PTTG1IP2: variants seen among roughly 807,000 people sequenced by gnomAD.
PTTG1IP2 encodes the protein PTTG1IP family member 2.
intron 6 of PTTG1IP2, among the ~76,000 whole-genome samples, chr7:90,496,574 A>C (rs1171014071): frequency 1.3e-5 from 2 of 151,916 alleles, no homozygotes; most frequent in Non-Finnish European, 2.9e-5. Context: ...ATCTTTTCAA[A>C]ACACCAACCA....
intron 4 of PTTG1IP2, among the ~76,000 whole-genome samples, chr7:90,490,318 AG>A (rs1797923524): frequency 6.6e-6 from 1 of 152,040 alleles, no homozygotes; most frequent in African/African-American, 2.4e-5. Context: ...TTTTATAAGA[AG>A]GAACTGTAAA....
Position 90,511,253 on chromosome 7 carries a change from A to G in PTTG1IP2, c.*51-2025A>G, listed in dbSNP as rs191593407. On this transcript the variant is annotated intron_variant, in intron 6 of 6. Transcript: ENST00000509356. ...CCTGCCATCAAAAAACTTAAAATCT[A>G]GTTGCTGAGAGGATAGCCCCCAGAA... Among the ~76,000 whole-genome samples, 159 of 152,322 alleles carry G rather than the reference A, an allele frequency of 1.0e-3. 2 individuals carry two copies. Among genetic ancestry groups the G allele is most frequent in the Admixed American group, 1.9e-3 (29 of 15,298 alleles).
At chr7:90,491,957 C>G (rs540927224) in intron 4 of PTTG1IP2, among the ~76,000 whole-genome samples, 2 of 152,012 alleles carry the variant, frequency 1.3e-5, no homozygotes, top group East Asian at 3.9e-4. Flanking sequence ...ATGGTGAAAC[C>G]CTGTCTCTAC....
chr7:90,500,955 T>C (rs1798054913), intron 6 of PTTG1IP2, among the ~76,000 whole-genome samples: 1 of 152,226 alleles, frequency 6.6e-6, no homozygotes, highest in African/African-American at 2.4e-5. Context: ...TGTTCAATTA[T>C]TCATTAAGAG....
At chr7:90,509,006 C>G (rs1798155716) in intron 6 of PTTG1IP2, among the ~76,000 whole-genome samples, 1 of 152,054 alleles carries the variant, frequency 6.6e-6, no homozygotes, top group Non-Finnish European at 1.5e-5. Flanking sequence ...ATGAGAAAGG[C>G]ACTTGGGCCT....
intron 1 of PTTG1IP2, among the ~76,000 whole-genome samples, chr7:90,477,473 C>T (rs1234063919): frequency 1.3e-5 from 2 of 152,310 alleles, no homozygotes; most frequent in East Asian, 1.9e-4. Flanking sequence ...TTCCTCTCTT[C>T]GCTCTTAGCC....
chr7:90,474,687 A>T (rs1797727286), intron 1 of PTTG1IP2, among the ~76,000 whole-genome samples: 2 of 152,160 alleles, frequency 1.3e-5, no homozygotes, highest in African/African-American at 4.8e-5. Flanking sequence ...GCAGGAAAAG[A>T]TATACTACCA....
intron 6 of PTTG1IP2, among the ~76,000 whole-genome samples, chr7:90,503,844 A>AAT (rs1385595123): frequency 1.3e-5 from 2 of 152,242 alleles, no homozygotes; most frequent in African/African-American, 4.8e-5. Context: ...AAAATGTGAT[A>AAT]GAGACACAGA....
At chr7:90,507,640 T>A (rs1379560278) in intron 6 of PTTG1IP2, among the ~76,000 whole-genome samples, 1 of 152,194 alleles carries the variant, frequency 6.6e-6, no homozygotes, top group East Asian at 1.9e-4. Context: ...TATCTTGGAT[T>A]CTCATCTCTG....
intron 3 of PTTG1IP2, among the ~76,000 whole-genome samples, chr7:90,488,472 G>A (rs1486673967): frequency 1.3e-5 from 2 of 151,954 alleles, no homozygotes; most frequent in Non-Finnish European, 2.9e-5. Flanking sequence ...CTTTGGTAAT[G>A]GACTGCTGAA....
chr7:90,498,215 C>T (rs570526064), intron 6 of PTTG1IP2, among the ~76,000 whole-genome samples: 3 of 152,026 alleles, frequency 2.0e-5, no homozygotes, highest in Non-Finnish European at 4.4e-5. Flanking sequence ...TTAGTAGAGA[C>T]GGGGTTTCAC....
At chr7:90,477,558 GA>G (rs1174814916) in intron 1 of PTTG1IP2, among the ~76,000 whole-genome samples, 2 of 152,210 alleles carry the variant, frequency 1.3e-5, no homozygotes, top group African/African-American at 4.8e-5. Flanking sequence ...CAAAATATCT[GA>G]AAGTACTGAG....
intron 6 of PTTG1IP2, among the ~76,000 whole-genome samples, chr7:90,497,722 A>T (rs1798011900): frequency 7.0e-6 from 1 of 142,758 alleles, no homozygotes; most frequent in South Asian, 2.2e-4. Context: ...GTATAAAAAA[A>T]AAAAAAAAAA....
chr7:90,502,427 A>G (rs1158243203), intron 6 of PTTG1IP2, among the ~76,000 whole-genome samples: 1 of 152,216 alleles, frequency 6.6e-6, no homozygotes, highest in East Asian at 1.9e-4. Flanking sequence ...AATGTCTTTA[A>G]TGGCATCTAT....
At chr7:90,506,035 C>CTCATT (rs1245398107) in intron 6 of PTTG1IP2, among the ~76,000 whole-genome samples, 29 of 142,010 alleles carry the variant, frequency 2.0e-4, no homozygotes, top group African/African-American at 6.5e-4. Context: ...ATGCCTGTTT[C>CTCATT]TCATTTCACT....
At chr7:90,476,924 A>G (rs1164401250) in intron 1 of PTTG1IP2, among the ~76,000 whole-genome samples, 3 of 152,070 alleles carry the variant, frequency 2.0e-5, no homozygotes, top group African/African-American at 7.2e-5. Flanking sequence ...ATTTATTGCA[A>G]TGCCAATAAA....
intron 1 of PTTG1IP2, among the ~76,000 whole-genome samples, chr7:90,472,658 G>C (rs752993543): frequency 3.9e-5 from 6 of 152,106 alleles, no homozygotes; most frequent in Non-Finnish European, 7.4e-5. Flanking sequence ...TCTAGCCTAG[G>C]GGGTACTGTT....
At chr7:90,497,306 T>C (rs888225480) in intron 6 of PTTG1IP2, among the ~76,000 whole-genome samples, 1 of 152,100 alleles carries the variant, frequency 6.6e-6, no homozygotes, top group Non-Finnish European at 1.5e-5. Flanking sequence ...GGCTCATGCC[T>C]GTAATCCCAA....
chr7:90,471,503 T>TA (rs1416210099), intron 1 of PTTG1IP2, among the ~76,000 whole-genome samples: 1 of 152,154 alleles, frequency 6.6e-6, no homozygotes, highest in Non-Finnish European at 1.5e-5. Context: ...ATGACTGGAT[T>TA]AAAAAATATA....
Sources: gnomAD v4.1 joint callset for allele counts (sites outside exome capture counted in the v4.1 genomes callset) on GRCh38, gnomAD v4.1.1 for gene constraint, MANE v1.5 for transcripts, NCBI Gene and HGNC (gene_info 2026-07-23, HGNC 2026-07-21) for gene names.